Variants in EPHA10 observed in about 807,000 individuals in gnomAD.
EPHA10 encodes ephrin type-A receptor 10.
A neutral mutation model predicts 109.7 loss-of-function variants in EPHA10; 120 were observed. The ratio of observed to expected loss-of-function variants is 1.09; its 90% CI spans 0.94 to 1.27. The LOEUF (loss-of-function observed/expected upper bound fraction) is 1.27. Ranked by LOEUF, EPHA10 falls within the 50% of genes most tolerant of loss-of-function variation. The pLI is 0.00. For synonymous variants in EPHA10, 640 were observed against 618.9 expected, an observed-to-expected ratio of 1.03 and a Z score of -0.51; for missense variants, 1,396 against 1,411.1, an observed-to-expected ratio of 0.99 and a Z score of 0.17.
intron 5 of EPHA10, among the ~76,000 whole-genome samples, chr1:37,745,496 T>C (rs1454051554): frequency 5.3e-5 from 8 of 152,200 alleles, no homozygotes; most frequent in African/African-American, 1.9e-4. Flanking sequence ...TAAAAAGTTA[T>C]TATATGTATT....
chr1:37,723,308 C>T lies in EPHA10; in HGVS notation c.1834+3G>A, dbSNP rs772892999. 1.9e-6 allele frequency: 3 copies of T among 1,614,078 alleles called. No homozygotes were observed. The highest frequency in any genetic ancestry group is 3.3e-5 in the Admixed American group (2 of 60,006). On this transcript the variant is annotated splice_donor_region_variant and intron_variant, in intron 9 of 16. Coordinates refer to ENST00000373048, the MANE Select transcript of EPHA10 (RefSeq NM_001099439.2). ...CCTCCCCAGCCAGGCCCAGCCAACT[C>T]ACAGTGGAAATACAGCTCCTCTTCA...
intron 6 of EPHA10, 90 bp downstream of exon 6, chr1:37,735,167 G>T: frequency 6.6e-7 from 1 of 1,504,908 alleles, no homozygotes; most frequent in South Asian, 1.2e-5. Context: ...GAGTAACGAG[G>T]GCTTTTGCTG....
intron 7 of EPHA10, 37 bp downstream of exon 7, chr1:37,731,374 C>T: frequency 1.3e-6 from 2 of 1,526,022 alleles, no homozygotes; most frequent in Non-Finnish European, 1.8e-6. Flanking sequence ...AGGGTTCTCT[C>T]TGTCTAGGTC....
At chr1:37,718,590 C>T (rs943126910) in intron 16 of EPHA10, 71 bp downstream of exon 16, 2 of 1,612,484 alleles carry the variant, frequency 1.2e-6, no homozygotes, top group Admixed American at 3.3e-5. Flanking sequence ...GTTGGGACTC[C>T]CCAGTATAGG....
rs765416850 is a variant in EPHA10 at position 37,754,176 on chromosome 1, C to A, written c.1006+39G>T. The A allele has an allele frequency of 2.4e-6, 3 of 1,266,082 alleles. No homozygotes were observed. Among genetic ancestry groups the A allele is most frequent in the Non-Finnish European group, 3.0e-6 (3 of 998,306 alleles). The allele number at this position is 1,266,082 out of a possible 1,614,324, so 78.4% of individuals were successfully genotyped here. On this transcript the variant is annotated intron_variant, in intron 4 of 16. Transcript: ENST00000373048. The surrounding 1 kb of genome is among the most constrained non-coding windows in gnomAD (Gnocchi z 4.5). ...GGCCTTCCTTCTTGGCCACTCCCAC[C>A]CCCCACCCTCCGCAGTGCAGCCTGG...
chr1:37,720,914 C>T (rs548455758), intron 11 of EPHA10, 70 bp from the exon 12 acceptor site: 2 of 1,525,158 alleles, frequency 1.3e-6, no homozygotes, highest in Non-Finnish European at 1.8e-6. Flanking sequence ...AGTTTCCCCC[C>T]CAGGGTCCCA....
chr1:37,741,165 C>G (rs762390823), intron 5 of EPHA10, among the ~76,000 whole-genome samples: 181 of 152,302 alleles, frequency 1.2e-3, no homozygotes, highest in Non-Finnish European at 2.0e-3. Flanking sequence ...ATGACACCTC[C>G]TAGGCTTGCT....
At position 37,725,950 on chromosome 1, in the gene EPHA10, A is replaced by G. The variant is rs369084571; in HGVS notation, c.1772+1152T>C. Among the ~76,000 whole-genome samples the G allele has an allele frequency of 3.3e-4, 50 of 152,126 alleles. 1 individual carries two copies. In the South Asian group the frequency reaches 0.01, roughly 32 times the overall value. ...GGCTGGGACATGCATGCTGGAGGAG[A>G]ACACCTCTCTACCCCTCCACACTAG... On this transcript the variant is annotated intron_variant, in intron 8 of 16. Coordinates refer to ENST00000373048, the MANE Select transcript of EPHA10 (RefSeq NM_001099439.2).
At chr1:37,750,117 T>C (rs1201318204) in intron 5 of EPHA10, among the ~76,000 whole-genome samples, 1 of 152,234 alleles carries the variant, frequency 6.6e-6, no homozygotes, top group Non-Finnish European at 1.5e-5. Flanking sequence ...TGGACGTATA[T>C]ACTCTAAGAT....
rs1392730477 is a variant in EPHA10 at position 37,731,442 on chromosome 1, G to T, written c.1632C>A (p.Asn544Lys). 5 of 1,613,126 alleles carry T rather than the reference G, an allele frequency of 3.1e-6. No individual in the cohort carries two copies. Among genetic ancestry groups the T allele is most frequent in the Non-Finnish European group, 4.2e-6 (5 of 1,179,466 alleles). ...PGPSWEAQSF[N>K]PSIEVQTLGE... ...CCAGGGTCTGTACTTCAATGCTGGG[G>T]TTAAAACTCTGGGCCTCCCAGGATG... The change falls in exon 7 of 17, where the codon AAC (asparagine) becomes AAA (lysine). Residue 544 changes from asparagine to lysine, a missense_variant. Coordinates refer to ENST00000373048, the MANE Select transcript of EPHA10 (RefSeq NM_001099439.2).
At chr1:37,752,838 C>T in intron 5 of EPHA10, 38 bp downstream of exon 5, 1 of 1,219,718 alleles carries the variant, frequency 8.2e-7, no homozygotes. Flanking sequence ...GGGCGGCAGG[C>T]GCGGTGGCCT....
At chr1:37,739,501 T>C (rs888452522) in intron 5 of EPHA10, among the ~76,000 whole-genome samples, 3 of 151,932 alleles carry the variant, frequency 2.0e-5, no homozygotes, top group African/African-American at 7.3e-5. Flanking sequence ...CCAGCCTGGC[T>C]AATGTAGTGA....
At chr1:37,720,301 C>G (rs1222268048) in intron 13 of EPHA10, 50 bp downstream of exon 13, 1 of 1,545,134 alleles carries the variant, frequency 6.5e-7, no homozygotes, top group Non-Finnish European at 8.7e-7. Flanking sequence ...TCCAGGGCAG[C>G]TTGGTGGGAA....
At chr1:37,735,609 A>C (rs959901071) in intron 5 of EPHA10, among the ~76,000 whole-genome samples, 1 of 152,214 alleles carries the variant, frequency 6.6e-6, no homozygotes, top group African/African-American at 2.4e-5. Flanking sequence ...CTGCCCCCAC[A>C]GCCCTTTTCT....
intron 10 of EPHA10, 62 bp downstream of exon 10, chr1:37,722,979 G>A (rs778778084): frequency 4.5e-5 from 72 of 1,611,796 alleles, no homozygotes; most frequent in East Asian, 1.8e-4. Flanking sequence ...GAGTAGGGGC[G>A]GGGCCTATAG....
intron 1 of EPHA10, among the ~76,000 whole-genome samples, chr1:37,763,114 A>G (rs1339283220): frequency 6.6e-6 from 1 of 152,208 alleles, no homozygotes. Context: ...TTAGTGGCTT[A>G]AAACAACACA....
In EPHA10 at chr1:37,718,804, T is replaced by C. The variant is rs377255151; in HGVS notation, c.2769A>G (p.Pro923=). ...ALTTCPRPPT[P]LADRAFSTFP... Reference sequence around the variant, plus strand: ...AGGTGGAGAAGGCACGGTCCGCTAGTGGGGTGGGAGGCCTGCGGGTCAGAG... The same window carrying C: ...AGGTGGAGAAGGCACGGTCCGCTAGCGGGGTGGGAGGCCTGCGGGTCAGAG... The change falls in exon 16 of 17, where the codon CCA becomes CCG. Residue 923 remains proline (P), a synonymous_variant. Transcript: ENST00000373048. 9 of 1,611,282 alleles carry C rather than the reference T, an allele frequency of 5.6e-6. No homozygotes were observed. In the African/African-American group the frequency reaches 8.0e-5, roughly 14 times the overall value.
chr1:37,735,286 T>C lies in EPHA10; in HGVS notation c.1462A>G (p.Thr488Ala), dbSNP rs1382693841. ...IPAGAPGANDTEYEIRYYEKG... is the reference protein window; with the variant it reads ...IPAGAPGANDAEYEIRYYEKG... ...TCGTAGTATCGGATCTCGTACTCCG[T>C]GTCATTGGCCCCAGGGGCTCCGGCA... The change falls in exon 6 of 17, where the codon ACG (threonine) becomes GCG (alanine). Residue 488 changes from threonine to alanine, a missense_variant. Coordinates refer to ENST00000373048, the MANE Select transcript of EPHA10 (RefSeq NM_001099439.2). 1.3e-6 allele frequency: 2 copies of C among 1,563,652 alleles called. No homozygotes were observed. Among genetic ancestry groups the C allele is most frequent in the South Asian group, 1.2e-5 (1 of 84,820 alleles).
At chr1:37,722,786 C>T in intron 10 of EPHA10, 1 of 618,024 alleles carries the variant, frequency 1.6e-6, no homozygotes, top group Non-Finnish European at 3.0e-6. Flanking sequence ...CTGCCAGTGG[C>T]AGTGTGCAGA....
Sources: gnomAD v4.1 joint callset for allele counts (sites outside exome capture counted in the v4.1 genomes callset) on GRCh38, gnomAD v4.1.1 for gene constraint, Gnocchi (gnomAD v3.1) non-coding constraint, MANE v1.5 for transcripts, NCBI Gene and HGNC (gene_info 2026-07-23, HGNC 2026-07-21) for gene names.